Variants in COL9A1 observed in about 807,000 individuals in gnomAD.
COL9A1 encodes collagen type IX alpha 1 chain, also known as collagen alpha-1(IX) chain.
COL9A1 carries 104 observed loss-of-function variants against 142.6 expected under a neutral mutation model. That is an observed-to-expected ratio of 0.73 (90% CI 0.62 to 0.86). COL9A1 has a LOEUF of 0.86. Ranked by LOEUF, COL9A1 falls within the 40% of genes least tolerant of loss-of-function variation. COL9A1 has a pLI of 0.00. For synonymous variants in COL9A1, 466 were observed against 396.0 expected (o/e 1.18, Z -2.10); for missense variants, 1,210 against 1,176.6 (o/e 1.03, Z -0.42).
At position 70,255,165 on chromosome 6, in the gene COL9A1, C is replaced by T. The variant is rs145650924; in HGVS notation, c.1596G>A (p.Gly532=). The T allele has an allele frequency of 3.1e-6, 5 of 1,614,128 alleles. No individual in the cohort carries two copies. The African/African-American group carries it at 4.0e-5, about 13-fold the overall frequency. ...EGARGIPGLP[G]PKGDTGLPGV... ...CAGGACATACCGTGTCTCCTTTGGG[C>T]CCAGGGAGACCAGGAATTCCTCTAG... is the stretch of plus-strand genomic sequence containing the variant. The change falls in exon 23 of 38, where the codon GGG becomes GGA. Residue 532 remains glycine (G), a synonymous_variant. Coordinates refer to ENST00000357250, the MANE Select transcript of COL9A1 (RefSeq NM_001851.6).
chr6:70,227,414 A>G lies in COL9A1; in HGVS notation c.2504-1405T>C, dbSNP rs548677836. Reference sequence around the variant, plus strand: ...TGACTTCACTCTCATAACAAAATAAATGCAAATTGTAAAAAAAAAAAAAAA... The same window carrying G: ...TGACTTCACTCTCATAACAAAATAAGTGCAAATTGTAAAAAAAAAAAAAAA... On this transcript the variant is annotated intron_variant, in intron 36 of 37. Transcript: ENST00000357250. Among the ~76,000 whole-genome samples, 313 of 143,768 alleles carry G rather than the reference A, an allele frequency of 2.2e-3. 2 individuals are homozygous for G. Among genetic ancestry groups the G allele is most frequent in the African/African-American group, 7.1e-3 (275 of 38,596 alleles). 94.3% of individuals were successfully genotyped at this position (143,768 alleles called of 152,430 possible).
intron 28 of COL9A1, chr6:70,245,740 A>T (rs139950777): frequency 6.6e-6 from 1 of 152,296 alleles, no homozygotes. Flanking sequence ...GGATCACTTG[A>T]GATCAGGAGT....
chr6:70,220,403 TG>T (rs1418443322), intron 37 of COL9A1, among the ~76,000 whole-genome samples: 2 of 151,526 alleles, frequency 1.3e-5, no homozygotes, highest in African/African-American at 2.4e-5. Flanking sequence ...TGTGTGTGTG[TG>T]TGTGTGTGTG....
At chr6:70,286,952 C>A (rs540227980) in intron 5 of COL9A1, among the ~76,000 whole-genome samples, 2 of 152,168 alleles carry the variant, frequency 1.3e-5, no homozygotes, top group African/African-American at 4.8e-5. Context: ...TTGGGATAGA[C>A]ACCATGAAAG....
chr6:70,266,871 A>G (rs538570223), intron 17 of COL9A1, 101 bp from the exon 18 acceptor site: 2 of 938,394 alleles, frequency 2.1e-6, no homozygotes, highest in African/African-American at 3.2e-5. Flanking sequence ...CCAATGTATT[A>G]CTAAGAAATG....
chr6:70,283,049 C>CA, intron 6 of COL9A1, 131 bp from the exon 7 acceptor site: 1 of 1,571,136 alleles, frequency 6.4e-7, no homozygotes. Context: ...GCAGTCCAGG[C>CA]CATGCCCGCC....
At position 70,254,549 on chromosome 6, in the gene COL9A1, C is replaced by T. The variant is rs760892547; in HGVS notation, c.1666-20G>A. ...TTCACCCTGCAAAAAAAGCTTTTATCACATGATTGAACCTGTATGAGCTGC... is the reference window on the plus strand; with the variant it reads ...TTCACCCTGCAAAAAAAGCTTTTATTACATGATTGAACCTGTATGAGCTGC... On this transcript the variant is annotated intron_variant, in intron 24 of 37. Transcript: ENST00000357250. The T allele has an allele frequency of 6.2e-7, 1 of 1,613,360 alleles. No homozygotes were observed.
At chr6:70,288,664 C>G (rs1773546891) in intron 5 of COL9A1, among the ~76,000 whole-genome samples, 1 of 152,186 alleles carries the variant, frequency 6.6e-6, no homozygotes, top group African/African-American at 2.4e-5. Context: ...CACACACCTA[C>G]ACCAGACCCT....
intron 5 of COL9A1, among the ~76,000 whole-genome samples, chr6:70,288,244 C>T (rs759784509): frequency 1.3e-5 from 2 of 152,128 alleles, no homozygotes; most frequent in African/African-American, 2.4e-5. Context: ...TCTTTGATTC[C>T]TCTTTTTCTC....
chr6:70,221,941 C>T (rs1024701279), intron 37 of COL9A1, among the ~76,000 whole-genome samples: 11 of 152,122 alleles, frequency 7.2e-5, no homozygotes, highest in African/African-American at 2.4e-4. Context: ...ATCCACGTAG[C>T]TCTGCAAGAG....
chr6:70,270,299 CT>C lies in COL9A1; in HGVS notation c.1197+14del, dbSNP rs779863197. Reference sequence around the variant, plus strand: ...TCTCAGACACAAACAGAAATTCAAGCTGCAAATAACTTACTCTGGGTCCTGG... The same window carrying C: ...TCTCAGACACAAACAGAAATTCAAGCGCAAATAACTTACTCTGGGTCCTGG... On this transcript the variant is annotated intron_variant, in intron 15 of 37. Transcript: ENST00000357250. 6.1e-5 allele frequency: 99 copies of C among 1,612,238 alleles called. No individual in the cohort carries two copies. Among genetic ancestry groups the C allele is most frequent in the South Asian group, 9.9e-5 (9 of 91,008 alleles).
intron 24 of COL9A1, 75 bp downstream of exon 24, chr6:70,254,888 T>C (rs1771176163): frequency 3.7e-6 from 5 of 1,337,770 alleles, no homozygotes; most frequent in Non-Finnish European, 4.3e-6. Flanking sequence ...GGTGATTTAG[T>C]AATGGAAATG....
chr6:70,242,519 T>A, intron 29 of COL9A1, 143 bp downstream of exon 29: 1 of 796,738 alleles, frequency 1.3e-6, no homozygotes, highest in Non-Finnish European at 2.1e-6. Context: ...ATTTGAAATT[T>A]CCCCTTTACA....
At chr6:70,258,354 G>A (rs1400634309) in intron 20 of COL9A1, among the ~76,000 whole-genome samples, 1 of 152,156 alleles carries the variant, frequency 6.6e-6, no homozygotes, top group African/African-American at 2.4e-5. Context: ...TGTCAAATTT[G>A]AATCAAGTGT....
intron 10 of COL9A1, among the ~76,000 whole-genome samples, chr6:70,277,819 T>G (rs1362318002): frequency 2.6e-5 from 4 of 152,212 alleles, no homozygotes; most frequent in African/African-American, 9.7e-5. Context: ...AAAATAAGCC[T>G]TGTAATGACC....
At chr6:70,293,195 AAG>A (rs776578991) in intron 5 of COL9A1, among the ~76,000 whole-genome samples, 1 of 152,162 alleles carries the variant, frequency 6.6e-6, no homozygotes, top group Non-Finnish European at 1.5e-5. Flanking sequence ...GTATGAGAGA[AAG>A]AGAGAGAGAA....
chr6:70,242,205 C>A (rs779646770), intron 29 of COL9A1, 170 bp from the exon 30 acceptor site: 3 of 680,478 alleles, frequency 4.4e-6, no homozygotes, highest in Non-Finnish European at 8.0e-6. Context: ...GAGAAGAGGG[C>A]GGGGCCAATG....
At chr6:70,249,849 T>A (rs181038086) in intron 28 of COL9A1, among the ~76,000 whole-genome samples, 1 of 152,274 alleles carries the variant, frequency 6.6e-6, no homozygotes, top group East Asian at 1.9e-4. Flanking sequence ...ACTTAACTGG[T>A]GACTGGCCAA....
At chr6:70,300,519 G>A (rs1425281870) in intron 2 of COL9A1, 133 bp from the exon 3 acceptor site, 1 of 364,338 alleles carries the variant, frequency 2.7e-6, no homozygotes, top group East Asian at 5.6e-5. Context: ...ACAAAAAAAA[G>A]ATTTCAGGAT....
Sources: gnomAD v4.1 joint callset for allele counts (sites outside exome capture counted in the v4.1 genomes callset) on GRCh38, gnomAD v4.1.1 for gene constraint, MANE v1.5 for transcripts, NCBI Gene and HGNC (gene_info 2026-07-23, HGNC 2026-07-21) for gene names.